OTOP1: variants seen among roughly 807,000 people sequenced by gnomAD.
The protein encoded by OTOP1 is otopetrin 1, also known as proton channel OTOP1.
Under a neutral mutation model 52.9 loss-of-function variants are expected in OTOP1, and 59 were observed. The observed-to-expected ratio is 1.12, with a 90% CI of 0.91 to 1.39. The LOEUF (loss-of-function observed/expected upper bound fraction) is 1.39, where lower values mean the gene tolerates loss of function less well. Ranked by LOEUF, OTOP1 falls within the 40% of genes most tolerant of loss-of-function variation. The pLI, the probability that OTOP1 is intolerant of heterozygous loss-of-function variation, is 0.00. For synonymous variants in OTOP1, 317 were observed against 337.7 expected (o/e 0.94, Z 0.67); for missense variants, 761 against 800.9 (o/e 0.95, Z 0.60).
At chr4:4,220,182 G>A (rs532878516) in intron 1 of OTOP1, among the ~76,000 whole-genome samples, 7 of 144,470 alleles carry the variant, frequency 4.8e-5, no homozygotes, top group East Asian at 4.1e-4. Flanking sequence ...TGCCCACTGT[G>A]ACCTCCACCT....
chr4:4,197,745 A>G lies in OTOP1; in HGVS notation c.1089T>C (p.Ala363=). Residue 363 remains alanine, a synonymous_variant, in exon 5 of 6, where the codon GCT becomes GCC. Transcript: ENST00000296358. ...AAATCCGGATTCCAGCCAGCCCCGC[A>G]GCCCCCATAAGCATCAGCAGGGTGA... ...YAITLLMLMG[A]AGLAGIRIYR... The G allele has an allele frequency of 1.2e-6, 2 of 1,613,962 alleles. No homozygotes were observed. Among genetic ancestry groups the G allele is most frequent in the South Asian group, 1.1e-5 (1 of 91,048 alleles).
At chr4:4,194,639 G>A (rs1716581528) in intron 5 of OTOP1, among the ~76,000 whole-genome samples, 1 of 152,224 alleles carries the variant, frequency 6.6e-6, no homozygotes, top group South Asian at 2.1e-4. Context: ...TGCACCATCT[G>A]AAATTCAGGG....
At chr4:4,194,766 G>T (rs2980121) in intron 5 of OTOP1, among the ~76,000 whole-genome samples, 2 of 152,086 alleles carry the variant, frequency 1.3e-5, no homozygotes, top group African/African-American at 4.8e-5. Context: ...CTGTGGACTG[G>T]GGCACTCCCC....
At chr4:4,202,138 T>C (rs1378391743) in intron 4 of OTOP1, among the ~76,000 whole-genome samples, 1 of 152,176 alleles carries the variant, frequency 6.6e-6, no homozygotes, top group Non-Finnish European at 1.5e-5. Context: ...CAATCTTCTG[T>C]AGTTGAAAAC....
intron 1 of OTOP1, among the ~76,000 whole-genome samples, chr4:4,220,974 C>T (rs931330827): frequency 6.6e-6 from 1 of 152,114 alleles, no homozygotes; most frequent in Non-Finnish European, 1.5e-5. Flanking sequence ...GGCTAGGAGG[C>T]TCAATATCTC....
At chr4:4,189,556 C>A (rs1368660854) in intron 5 of OTOP1, among the ~76,000 whole-genome samples, 2 of 152,226 alleles carry the variant, frequency 1.3e-5, no homozygotes, top group African/African-American at 4.8e-5. Flanking sequence ...CCAGCTCCTG[C>A]AGTCACCCCC....
chr4:4,225,836 C>T lies in OTOP1; in HGVS notation c.403+626G>A, dbSNP rs865965258. The stretch of plus-strand genomic sequence containing the variant: ...AGACATGTTGACAAGAACACTGGAG[C>T]CCAGTGCGGGCTGGGGGCATGTGGT... On this transcript the variant is annotated intron_variant, in intron 1 of 5. Transcript: ENST00000296358. Among the ~76,000 whole-genome samples, 6 of 152,138 alleles carry T rather than the reference C, an allele frequency of 3.9e-5. No individual in the cohort carries two copies. In the South Asian group the frequency reaches 1.3e-3, roughly 32 times the overall value.
intron 4 of OTOP1, among the ~76,000 whole-genome samples, chr4:4,201,469 T>TACACACACACACACACACAC (rs564159690): frequency 7.3e-6 from 1 of 137,758 alleles, no homozygotes; most frequent in Non-Finnish European, 1.6e-5. Context: ...AATATATATA[T>TACACACACACACACACACAC]ATACACACAC....
Position 4,206,065 on chromosome 4 carries a change from T to C in OTOP1, c.599+7A>G, listed in dbSNP as rs1716898774. On this transcript the variant is annotated splice_region_variant and intron_variant, in intron 3 of 5. Coordinates refer to ENST00000296358, the MANE Select transcript of OTOP1 (RefSeq NM_177998.3). ...CAACATATAAAGCAATTACCCACAA[T>C]TTTTACCTTTCCAGTGTTTTGAAAG... The C allele has an allele frequency of 4.4e-6, 7 of 1,598,308 alleles. No homozygotes were observed. The highest frequency in any genetic ancestry group is 6.0e-6 in the Non-Finnish European group (7 of 1,166,156).
intron 4 of OTOP1, among the ~76,000 whole-genome samples, chr4:4,200,821 G>T (rs535090225): frequency 1.3e-5 from 2 of 148,966 alleles, no homozygotes; most frequent in Non-Finnish European, 1.5e-5. Context: ...GGATTACAAA[G>T]TGCTCAGATT....
At position 4,202,649 on chromosome 4, in the gene OTOP1, G is replaced by A. The variant is rs2920181; in HGVS notation, c.600-71C>T. ...TCAGGCACCATGGGGTGAGACAGAC[G>A]TGTGCACACAAATACATGGCTCCTT... On this transcript the variant is annotated intron_variant, in intron 3 of 5. Transcript: ENST00000296358. 771 of 1,571,754 alleles carry A rather than the reference G, an allele frequency of 4.9e-4. 3 individuals carry two copies. In the African/African-American group the frequency reaches 8.9e-3, roughly 18 times the overall value.
chr4:4,221,860 C>T (rs1473484991), intron 1 of OTOP1, among the ~76,000 whole-genome samples: 1 of 152,176 alleles, frequency 6.6e-6, no homozygotes, highest in Non-Finnish European at 1.5e-5. Flanking sequence ...AGGTGATCTG[C>T]CCTCCTCAGC....
chr4:4,213,574 T>C (rs1717069342), intron 1 of OTOP1, among the ~76,000 whole-genome samples: 1 of 152,216 alleles, frequency 6.6e-6, no homozygotes, highest in South Asian at 2.1e-4. Context: ...TACTGTCCTT[T>C]GGTGGTTGAG....
chr4:4,197,258 T>A lies in OTOP1; in HGVS notation c.1576A>T (p.Ser526Cys). The part of the protein sequence containing the change: ...QEESSWGGSP[S>C]PVRLPRFLQG... ...AAGAAACGGGGAAGGCGGACTGGGC[T>A]TGGGCTCCCTCCCCAGCTGCTCTCC... Residue 526 changes from serine (S) to cysteine (C), a missense_variant, in exon 5 of 6, where the codon AGC becomes TGC. Around this residue, in one of 3 missense-constraint regions of OTOP1, gnomAD observed 632 missense variants for 619.5 expected, o/e 1.02. Transcript: ENST00000296358. 1 of 1,614,204 alleles carries A rather than the reference T, an allele frequency of 6.2e-7. No homozygotes were observed. The highest frequency in any genetic ancestry group is 8.5e-7 in the Non-Finnish European group (1 of 1,180,044).
intron 5 of OTOP1, among the ~76,000 whole-genome samples, chr4:4,195,894 T>G (rs1716612403): frequency 6.6e-6 from 1 of 152,182 alleles, no homozygotes; most frequent in African/African-American, 2.4e-5. Context: ...CCCATTATAC[T>G]GAGACCTTTT....
intron 2 of OTOP1, among the ~76,000 whole-genome samples, chr4:4,211,577 G>C (rs534065660): frequency 1.3e-5 from 2 of 152,286 alleles, no homozygotes; most frequent in Non-Finnish European, 2.9e-5. Context: ...GTGGTATTTA[G>C]AAAAACGTTT....
At chr4:4,205,376 C>G (rs1392950469) in intron 3 of OTOP1, among the ~76,000 whole-genome samples, 1 of 152,194 alleles carries the variant, frequency 6.6e-6, no homozygotes, top group Admixed American at 6.5e-5. Flanking sequence ...CCTGCGCCTG[C>G]CTGAAGGCAG....
chr4:4,221,790 A>G (rs1302701877), intron 1 of OTOP1, among the ~76,000 whole-genome samples: 1 of 152,122 alleles, frequency 6.6e-6, no homozygotes, highest in Non-Finnish European at 1.5e-5. Context: ...AGCTTTTTGT[A>G]TTTTTAGTAG....
At chr4:4,221,418 G>A (rs931408729) in intron 1 of OTOP1, among the ~76,000 whole-genome samples, 2 of 152,048 alleles carry the variant, frequency 1.3e-5, no homozygotes, top group African/African-American at 4.8e-5. Context: ...GGGAGACCCT[G>A]TCCTTATTTA....
Sources: allele counts gnomAD v4.1 joint callset (sites outside exome capture counted in the v4.1 genomes callset), GRCh38; gene constraint gnomAD v4.1.1; regional missense constraint gnomAD v4.1.1; transcripts MANE v1.5; gene names NCBI Gene and HGNC (gene_info 2026-07-23, HGNC 2026-07-21).